ROCK2: variants seen among roughly 807,000 people sequenced by gnomAD.
ROCK2 encodes the protein Rho associated coiled-coil containing protein kinase 2.
A neutral mutation model predicts 195.1 loss-of-function variants in ROCK2; 61 were observed. The observed-to-expected ratio is 0.31, with a 90% CI of 0.25 to 0.39. ROCK2 has a LOEUF of 0.39. Among genes scored for constraint, ROCK2 ranks in the 10% least tolerant of loss-of-function variants. ROCK2 has a pLI of 1.00. For missense variants in ROCK2, 1,109 were observed against 1,637.4 expected (o/e 0.68, Z 5.57); for synonymous variants, 504 against 545.5 (o/e 0.92, Z 1.06).
chr2:11,312,076 G>C (rs1439348177), intron 1 of ROCK2, among the ~76,000 whole-genome samples: 1 of 152,100 alleles, frequency 6.6e-6, no homozygotes, highest in Non-Finnish European at 1.5e-5. Flanking sequence ...CAAAATTACA[G>C]AGCAATGCCA....
intron 4 of ROCK2, among the ~76,000 whole-genome samples, chr2:11,242,000 C>A (rs72787623): frequency 6.6e-6 from 1 of 152,072 alleles, no homozygotes; most frequent in East Asian, 1.9e-4. Flanking sequence ...TTATTCACCC[C>A]CTTCTACTGT....
At chr2:11,341,918 A>G (rs995017248) in intron 1 of ROCK2, among the ~76,000 whole-genome samples, 1 of 152,190 alleles carries the variant, frequency 6.6e-6, no homozygotes. Context: ...GATAGTGGTG[A>G]TGGCTGCACA....
At chr2:11,264,722 A>T (rs1379046038) in intron 3 of ROCK2, among the ~76,000 whole-genome samples, 1 of 152,218 alleles carries the variant, frequency 6.6e-6, no homozygotes, top group African/African-American at 2.4e-5. Flanking sequence ...AAATAAACAA[A>T]GAGCCTGGCC....
intron 3 of ROCK2, among the ~76,000 whole-genome samples, chr2:11,264,960 T>A (rs1411021212): frequency 6.6e-6 from 1 of 152,178 alleles, no homozygotes; most frequent in Non-Finnish European, 1.5e-5. Context: ...GAGAACACAC[T>A]CTGGAATCCT....
chr2:11,188,953 T>C (rs1354699077), intron 32 of ROCK2, among the ~76,000 whole-genome samples: 1 of 151,604 alleles, frequency 6.6e-6, no homozygotes, highest in African/African-American at 2.4e-5. Flanking sequence ...GGAGAATTGC[T>C]TGAACCTGGA....
rs535384718 is a variant in ROCK2 at position 11,277,795 on chromosome 2, G to A, written c.324+8744C>T. ...GAATGGTGCTGCTATAAACGTGTGT[G>A]CAAGTATCTTTTTCGTATGACTTCT... On this transcript the variant is annotated intron_variant, in intron 3 of 32. Coordinates refer to ENST00000315872, the MANE Select transcript of ROCK2 (RefSeq NM_004850.5). Among the ~76,000 whole-genome samples, 3 of 152,302 alleles carry A rather than the reference G, an allele frequency of 2.0e-5. No homozygotes were observed. The South Asian group carries it at 6.2e-4, about 32-fold the overall frequency.
At chr2:11,275,051 G>A (rs1558349938) in intron 3 of ROCK2, among the ~76,000 whole-genome samples, 1 of 152,174 alleles carries the variant, frequency 6.6e-6, no homozygotes, top group Non-Finnish European at 1.5e-5. Flanking sequence ...GAGGTCAGGA[G>A]GTCGAGACCA....
intron 1 of ROCK2, among the ~76,000 whole-genome samples, chr2:11,314,312 G>A (rs1387030686): frequency 8.1e-6 from 1 of 123,184 alleles, no homozygotes; most frequent in Non-Finnish European, 2.0e-5. Flanking sequence ...ACTGACATAC[G>A]TCCTTTGTCT....
rs1369918538 is a variant in ROCK2, at chr2:11,214,944, G to A, written c.1832C>T (p.Thr611Ile). The change falls in exon 16 of 33, where the codon ACT becomes ATT. Residue 611 changes from threonine (T) to isoleucine (I), a missense_variant. Thr to Ile is a moderately conservative substitution (Grantham distance 89, BLOSUM62 -1). Around this residue, in one of 6 missense-constraint regions of ROCK2, gnomAD observed 542 missense variants for 672.0 expected, o/e 0.81. Coordinates refer to ENST00000315872, the MANE Select transcript of ROCK2 (RefSeq NM_004850.5). The stretch of plus-strand genomic sequence containing the variant: ...TTCCTTTTCAAGTTTTAACTTGGCA[G>A]TCTCCAGCAGGCAGTTTTTATCTTG... ...DLQDKNCLLE[T>I]AKLKLEKEFI... is the part of the protein sequence containing the mutation. 1 of 1,613,966 alleles carries A rather than the reference G, an allele frequency of 6.2e-7. No homozygotes were observed. Among genetic ancestry groups the A allele is most frequent in the Non-Finnish European group, 8.5e-7 (1 of 1,179,990 alleles).
At chr2:11,283,026 G>C (rs370871527) in intron 3 of ROCK2, among the ~76,000 whole-genome samples, 86 of 152,314 alleles carry the variant, frequency 5.6e-4, no homozygotes, top group African/African-American at 2.0e-3. Flanking sequence ...CAGCACTTTA[G>C]GAGGCCAAGG....
chr2:11,319,319 C>T (rs12478870), intron 1 of ROCK2, among the ~76,000 whole-genome samples: 60,171 of 151,980 alleles, frequency 0.4, 13,496 homozygotes, highest in Admixed American at 0.52. Context: ...AGGTCATTCA[C>T]ATCCCTTGTA....
chr2:11,334,601 T>G (rs556127405), intron 1 of ROCK2, among the ~76,000 whole-genome samples: 1 of 150,992 alleles, frequency 6.6e-6, no homozygotes, highest in Admixed American at 6.6e-5. Flanking sequence ...AAAGAGCTCA[T>G]ATTCTGTGCA....
chr2:11,183,640 A>G (rs935934857), intron 32 of ROCK2, among the ~76,000 whole-genome samples, 200 bp from the exon 33 acceptor site: 3 of 152,184 alleles, frequency 2.0e-5, no homozygotes, highest in African/African-American at 7.2e-5. Context: ...ATTCTTTCCC[A>G]AAACAACTTG....
chr2:11,313,803 T>C (rs1424543550), intron 1 of ROCK2, among the ~76,000 whole-genome samples: 1 of 151,924 alleles, frequency 6.6e-6, no homozygotes, highest in African/African-American at 2.4e-5. Context: ...GGAGTTTATT[T>C]TGGTGCATGT....
intron 32 of ROCK2, among the ~76,000 whole-genome samples, chr2:11,188,710 G>A (rs960238081): frequency 1.1e-4 from 16 of 149,048 alleles, no homozygotes; most frequent in Admixed American, 6.7e-5. Context: ...TACAAGCTCC[G>A]CCTCCCGGGT....
chr2:11,252,939 T>C (rs1167011080), intron 3 of ROCK2, among the ~76,000 whole-genome samples: 1 of 143,338 alleles, frequency 7.0e-6, no homozygotes, highest in Admixed American at 7.0e-5. Context: ...AACTTAAAAG[T>C]ATAATAATAA....
rs562331215 is a variant in ROCK2 at position 11,292,307 on chromosome 2, T to G, written c.142-4571A>C. 3.4e-5 allele frequency among the ~76,000 whole-genome samples: 5 copies of G among 147,748 alleles called. No homozygotes were observed. In the East Asian group the frequency reaches 9.7e-4, roughly 29 times the overall value. Reference sequence around the variant, plus strand: ...ATATATTATTAACAGGGACCTTTCTTGATTACTTTGCACCATGTATTGTGC... The same window carrying G: ...ATATATTATTAACAGGGACCTTTCTGGATTACTTTGCACCATGTATTGTGC... On this transcript the variant is annotated intron_variant, in intron 1 of 32. Coordinates refer to ENST00000315872, the MANE Select transcript of ROCK2 (RefSeq NM_004850.5).
chr2:11,291,936 C>T (rs924453708), intron 1 of ROCK2, among the ~76,000 whole-genome samples: 1 of 152,088 alleles, frequency 6.6e-6, no homozygotes, highest in Non-Finnish European at 1.5e-5. Context: ...ATCATGGCAT[C>T]TTAGAAGCCA....
intron 3 of ROCK2, among the ~76,000 whole-genome samples, chr2:11,259,053 A>G (rs1350763127): frequency 6.6e-6 from 1 of 151,316 alleles, no homozygotes; most frequent in Non-Finnish European, 1.5e-5. Context: ...CTTCAAGAGA[A>G]GTGAGGACAG....
Sources: allele counts gnomAD v4.1 joint callset (sites outside exome capture counted in the v4.1 genomes callset), GRCh38; gene constraint gnomAD v4.1.1; regional missense constraint gnomAD v4.1.1; transcripts MANE v1.5; gene names NCBI Gene and HGNC (gene_info 2026-07-23, HGNC 2026-07-21).